USP36: variants seen among roughly 807,000 people sequenced by gnomAD.
USP36 encodes the protein ubiquitin carboxyl-terminal hydrolase 36.
In USP36, 59 loss-of-function variants were observed where a neutral mutation model predicts 111.5. The observed-to-expected ratio is 0.53, with a 90% CI of 0.43 to 0.66. The LOEUF (loss-of-function observed/expected upper bound fraction) is 0.66, where lower values mean the gene tolerates loss of function less well. Among genes scored for constraint, USP36 ranks in the 30% least tolerant of loss-of-function variants. The pLI is 0.00. For missense variants in USP36, 1,488 were observed against 1,468.0 expected (o/e 1.01, Z -0.22); for synonymous variants, 628 against 581.0 (o/e 1.08, Z -1.16).
chr17:78,796,035 T>G lies in USP36; in HGVS notation c.*1865A>C, dbSNP rs1265343956. The G allele has an allele frequency of 1.3e-5, 2 of 152,146 alleles. No homozygotes were observed. Among genetic ancestry groups the G allele is most frequent in the Non-Finnish European group, 2.9e-5 (2 of 68,022 alleles). The allele number at this position is 152,146 out of a possible 1,614,324, so 9.4% of individuals were successfully genotyped here. A position where few individuals can be genotyped will look rare whatever the true frequency, so the allele number is the denominator to read the frequency against. ...ATGACTTCGGTGGAGGGAAGGGACG[T>G]GACTCCACCCAACAGTGATAAACGC... On this transcript the variant is annotated 3_prime_UTR_variant, in exon 21 of 21. Coordinates refer to ENST00000449938, the MANE Select transcript of USP36 (RefSeq NM_001385174.1).
At chr17:78,806,401 A>T (rs555395664) in intron 14 of USP36, 115 bp from the exon 15 acceptor site, 4 of 1,416,470 alleles carry the variant, frequency 2.8e-6, no homozygotes, top group Non-Finnish European at 3.8e-6. Context: ...CCAGAAAAAA[A>T]GATGAGGAGA....
chr17:78,824,099 A>G (rs2067313887), intron 6 of USP36, among the ~76,000 whole-genome samples: 1 of 152,226 alleles, frequency 6.6e-6, no homozygotes, highest in African/African-American at 2.4e-5. Context: ...AGAGTGCCAC[A>G]CACAGCTGCC....
intron 6 of USP36, 176 bp downstream of exon 6, chr17:78,827,069 C>A: frequency 1.3e-6 from 1 of 749,998 alleles, no homozygotes; most frequent in South Asian, 1.5e-5. Context: ...GAAGCAAGGG[C>A]AATCCCCTAT....
Position 78,834,027 on chromosome 17 carries a change from A to T in USP36, c.475+1253T>A, listed in dbSNP as rs60315324. Among the ~76,000 whole-genome samples the T allele has an allele frequency of 4.6e-3, 699 of 152,288 alleles. 28 individuals carry two copies. The East Asian group carries it at 0.1, about 22-fold the overall frequency. Reference sequence around the variant, plus strand: ...TTTAGGAGGCCAAGGCGGTTGGATCACCTGAGGTCACGAGTTCAAGACCAG... The same window carrying T: ...TTTAGGAGGCCAAGGCGGTTGGATCTCCTGAGGTCACGAGTTCAAGACCAG... On this transcript the variant is annotated intron_variant, in intron 4 of 20. Transcript: ENST00000449938.
At chr17:78,790,784 C>T (rs2093576939), downstream of USP36, among the ~76,000 whole-genome samples, 1 of 152,202 alleles carries the variant, frequency 6.6e-6, no homozygotes, top group Admixed American at 6.5e-5. Flanking sequence ...TTGCCATGTA[C>T]TTAGACTGTG....
chr17:78,798,649 T>G lies in USP36; in HGVS notation c.3241-98A>C. On this transcript the variant is annotated intron_variant, in intron 19 of 20. Transcript: ENST00000449938. This position sits in a 1 kb window ranked among gnomAD's most constrained non-coding sequence, Gnocchi z 5.1. ...TGCAGGTCCTGCACACAGGCCGGGCTCTCATGAGCTCTCTGGAGACCCACT... is the reference window on the plus strand; with the variant it reads ...TGCAGGTCCTGCACACAGGCCGGGCGCTCATGAGCTCTCTGGAGACCCACT... The G allele has an allele frequency of 1.3e-6, 2 of 1,550,530 alleles. No homozygotes were observed. The highest frequency in any genetic ancestry group is 1.7e-6 in the Non-Finnish European group (2 of 1,145,598).
chr17:78,823,028 G>T, intron 6 of USP36: 1 of 398,278 alleles, frequency 2.5e-6, no homozygotes, highest in South Asian at 1.3e-4. Context: ...CGGCCACCCA[G>T]ACCATTCCAC....
At position 78,803,921 on chromosome 17, in the gene USP36, G is replaced by C. The variant is rs781183155; in HGVS notation, c.2274C>G (p.His758Gln). ...SSRLQPPFSP[H>Q]PTLLSSTPKP... ...TGGGGGTACTGGACAGCAATGTGGG[G>C]TGGGGGCTGAAGGGGGGTTGCAGGC... The change falls in exon 16 of 21, where the codon CAC becomes CAG. Residue 758 changes from histidine to glutamine, a missense_variant. Physicochemically the swap from His to Gln is conservative, Grantham distance 24 (BLOSUM62 0). Around this residue, in one of 3 missense-constraint regions of USP36, gnomAD observed 1,073 missense variants for 994.1 expected, o/e 1.08. Coordinates refer to ENST00000449938, the MANE Select transcript of USP36 (RefSeq NM_001385174.1). The surrounding 1 kb of genome is among the most constrained non-coding windows in gnomAD (Gnocchi z 4.6). 1.7e-5 allele frequency: 28 copies of C among 1,606,222 alleles called. No individual in the cohort carries two copies. The highest frequency in any genetic ancestry group is 2.2e-5 in the Non-Finnish European group (26 of 1,177,734).
chr17:78,823,799 C>T (rs1376221092), intron 6 of USP36, among the ~76,000 whole-genome samples: 1 of 152,092 alleles, frequency 6.6e-6, no homozygotes, highest in Non-Finnish European at 1.5e-5. Flanking sequence ...CCTAGACTAT[C>T]GACCCTTCTG....
rs1291174906 is a variant in USP36 at position 78,803,403 on chromosome 17, T to G, written c.2792A>C (p.Gln931Pro). Residue 931 changes from glutamine to proline, a missense_variant, in exon 16 of 21, where the codon CAG becomes CCG. Around this residue, in one of 3 missense-constraint regions of USP36, gnomAD observed 1,073 missense variants for 994.1 expected, o/e 1.08. Coordinates refer to ENST00000449938, the MANE Select transcript of USP36 (RefSeq NM_001385174.1). The surrounding 1 kb of genome is among the most constrained non-coding windows in gnomAD (Gnocchi z 4.6). ...EGLGEEGGLH[Q>P]DPLRHSCSPM... ...CCCTTACCTGTGCCGAAGTGGGTCC[T>G]GGTGCAGGCCGCCTTCTTCACCAAG... is the stretch of plus-strand genomic sequence containing the variant. 6.2e-7 allele frequency: 1 copy of G among 1,613,612 alleles called. No homozygotes were observed. Among genetic ancestry groups the G allele is most frequent in the Non-Finnish European group, 8.5e-7 (1 of 1,179,784 alleles).
intron 8 of USP36, among the ~76,000 whole-genome samples, chr17:78,820,259 A>G (rs1599050751): frequency 6.6e-6 from 1 of 152,188 alleles, no homozygotes; most frequent in Non-Finnish European, 1.5e-5. Flanking sequence ...AGGATCATTG[A>G]GGCCAGGAGT....
In USP36 at chr17:78,823,576, G is replaced by A. The variant is rs141354205; in HGVS notation, c.690-1572C>T. 7.0e-3 allele frequency among the ~76,000 whole-genome samples: 1,062 copies of A among 152,236 alleles called. 5 individuals are homozygous for A. Among genetic ancestry groups the A allele is most frequent in the Non-Finnish European group, 9.1e-3 (621 of 68,014 alleles). On this transcript the variant is annotated intron_variant, in intron 6 of 20. Transcript: ENST00000449938. ...TGGAGGAGGGGGCAGGAGGTGGCCCGAGAGCCACCCGGAATCACAGCTGCA... is the reference window on the plus strand; with the variant it reads ...TGGAGGAGGGGGCAGGAGGTGGCCCAAGAGCCACCCGGAATCACAGCTGCA...
chr17:78,816,492 G>A (rs373584408), intron 10 of USP36, among the ~76,000 whole-genome samples: 62 of 152,130 alleles, frequency 4.1e-4, no homozygotes, highest in African/African-American at 1.5e-3. Context: ...CAAGCATGGT[G>A]GCACACATTT....
intron 4 of USP36, among the ~76,000 whole-genome samples, chr17:78,829,889 T>C (rs2145562801): frequency 6.6e-6 from 1 of 152,112 alleles, no homozygotes; most frequent in East Asian, 1.9e-4. Flanking sequence ...TACAGGCTCG[T>C]GCCACCATGC....
intron 2 of USP36, among the ~76,000 whole-genome samples, chr17:78,836,621 G>A (rs2068700663): frequency 6.6e-6 from 1 of 152,062 alleles, no homozygotes; most frequent in South Asian, 2.1e-4. Context: ...AGACAACAGT[G>A]GCCCTGAGGC....
intron 18 of USP36, 33 bp from the exon 19 acceptor site, chr17:78,799,056 C>G: frequency 6.3e-7 from 1 of 1,598,794 alleles, no homozygotes; most frequent in Non-Finnish European, 8.6e-7. Flanking sequence ...AGCACGAGTG[C>G]AGGTTCCCAG....
At chr17:78,810,701 T>C (rs894692334) in intron 13 of USP36, among the ~76,000 whole-genome samples, 1 of 152,140 alleles carries the variant, frequency 6.6e-6, no homozygotes, top group Non-Finnish European at 1.5e-5. Context: ...TTCTTTAATG[T>C]GAAGAGAAAT....
downstream of USP36, among the ~76,000 whole-genome samples, chr17:78,792,700 T>C (rs1021902638): frequency 4.6e-5 from 7 of 151,484 alleles, no homozygotes; most frequent in African/African-American, 1.5e-4. Context: ...CTCACTATGA[T>C]CCCCCCGGGA....
rs73394914 is a variant in USP36 at position 78,797,853 on chromosome 17, G to A, written c.*47C>T. 3,872 of 154,306 alleles carry A rather than the reference G, an allele frequency of 0.025. 166 individuals carry two copies. Among genetic ancestry groups the A allele is most frequent in the African/African-American group, 0.087 (3,628 of 41,492 alleles). The allele number at this position is 154,306 out of a possible 1,614,324, so 9.6% of individuals were successfully genotyped here. ...CCTCAGATCCAGACCGACAGCTCCC[G>A]GGAAGGGACGCCTTGTCTCCAGGAG... On this transcript the variant is annotated 3_prime_UTR_variant, in exon 21 of 21. Transcript: ENST00000449938.
Sources: gnomAD v4.1 joint callset for allele counts (sites outside exome capture counted in the v4.1 genomes callset) on GRCh38, gnomAD v4.1.1 for gene constraint, gnomAD v4.1.1 regional missense constraint, Gnocchi (gnomAD v3.1) non-coding constraint, MANE v1.5 for transcripts, NCBI Gene and HGNC (gene_info 2026-07-23, HGNC 2026-07-21) for gene names.